PRSS3: variants seen among roughly 807,000 people sequenced by gnomAD.
PRSS3 encodes the protein serine protease 3.
A neutral mutation model predicts 20.8 loss-of-function variants in PRSS3; 14 were observed. That is an observed-to-expected ratio of 0.67 (90% CI 0.44 to 1.05). PRSS3 has a LOEUF of 1.05. PRSS3 is among the 50% of genes least tolerant of loss of function. The pLI, the probability that PRSS3 is intolerant of heterozygous loss-of-function variation, is 0.00. For missense variants in PRSS3, 237 were observed against 306.4 expected (o/e 0.77, Z 1.69); for synonymous variants, 91 against 117.6 (o/e 0.77, Z 1.46).
intron 4 of PRSS3, 189 bp from the exon 5 acceptor site, chr9:33,798,839 A>G (rs929167017): frequency 2.1e-4 from 218 of 1,047,524 alleles, no homozygotes; most frequent in Non-Finnish European, 1.3e-4. Context: ...CAGTGCCCCC[A>G]TTGGGAAATG....
intron 1 of PRSS3, among the ~76,000 whole-genome samples, chr9:33,763,878 G>C (rs1375903593): frequency 1.3e-5 from 2 of 152,072 alleles, no homozygotes; most frequent in African/African-American, 4.8e-5. Context: ...TGTTTTTCCA[G>C]GAAGCTTTCA....
chr9:33,762,691 C>T (rs1302731879), intron 1 of PRSS3, among the ~76,000 whole-genome samples: 1 of 152,186 alleles, frequency 6.6e-6, no homozygotes, highest in Non-Finnish European at 1.5e-5. Flanking sequence ...ACACATGTCT[C>T]ATTCCCATTA....
rs749851213 is a variant in PRSS3 at position 33,798,603 on chromosome 9, G to A, written c.572G>A (p.Gly191Glu). The change falls in exon 4 of 5, where the codon GGA (glycine) becomes GAA (glutamate). Residue 191 changes from glycine (G) to glutamate (E), a missense_variant. Coordinates refer to ENST00000379405, the MANE Select transcript of PRSS3 (RefSeq NM_002771.4). ...NSMFCVGFLE[G>E]GKDSCQRDSG... The stretch of plus-strand genomic sequence containing the variant: ...ATGTTCTGTGTGGGCTTCCTTGAGG[G>A]AGGCAAGGATTCCTGCCAGGTGATT... 1.4e-5 allele frequency: 23 copies of A among 1,614,010 alleles called. No homozygotes were observed. In the Admixed American group the frequency reaches 1.7e-4, roughly 12 times the overall value.
intron 1 of PRSS3, among the ~76,000 whole-genome samples, chr9:33,784,696 A>G (rs1824315064): frequency 6.6e-6 from 1 of 152,256 alleles, no homozygotes; most frequent in Non-Finnish European, 1.5e-5. Flanking sequence ...CTCAGAATCA[A>G]ATAAGATAGG....
upstream of PRSS3, chr9:33,794,892 T>G: frequency 7.2e-7 from 1 of 1,387,148 alleles, no homozygotes; most frequent in Non-Finnish European, 9.5e-7. Context: ...CTACCTAACC[T>G]GTGTCCCCTC....
rs555581752 is a variant in PRSS3, at chr9:33,766,115, A to G, written c.-53+15388A>G. Reference sequence around the variant, plus strand: ...CCCCATCTCTACTATAAATATAAAAATTAACCAGGCATACTGGCGAGCGTT... The same window carrying G: ...CCCCATCTCTACTATAAATATAAAAGTTAACCAGGCATACTGGCGAGCGTT... On this transcript the variant is annotated intron_variant, in intron 1 of 5. Transcript: ENST00000342836. 1.2e-4 allele frequency among the ~76,000 whole-genome samples: 19 copies of G among 152,148 alleles called. No individual in the cohort carries two copies. In the East Asian group the frequency reaches 3.5e-3, roughly 28 times the overall value.
intron 3 of PRSS3, 125 bp downstream of exon 3, chr9:33,798,207 A>C: frequency 1.3e-6 from 2 of 1,542,234 alleles, no homozygotes; most frequent in Non-Finnish European, 1.8e-6. Flanking sequence ...CATTACACAC[A>C]GTCTCTGCAC....
At chr9:33,767,487 G>A (rs1823487500) in intron 1 of PRSS3, among the ~76,000 whole-genome samples, 1 of 152,004 alleles carries the variant, frequency 6.6e-6, no homozygotes, top group African/African-American at 2.4e-5. Context: ...AAGTTAAAAT[G>A]AGGTCATTAG....
At chr9:33,775,128 A>G (rs1012738044) in intron 1 of PRSS3, among the ~76,000 whole-genome samples, 27 of 152,016 alleles carry the variant, frequency 1.8e-4, no homozygotes, top group Non-Finnish European at 8.8e-5. Flanking sequence ...ATCAAAACCA[A>G]CCATTTCAGG....
intron 1 of PRSS3, chr9:33,762,229 TCA>T (rs916166295): frequency 6.6e-6 from 1 of 152,210 alleles, no homozygotes; most frequent in African/African-American, 2.4e-5. Context: ...AGAACAAGCT[TCA>T]GACTCTTTCT....
intron 4 of PRSS3, 125 bp downstream of exon 4, chr9:33,798,747 G>A: frequency 6.8e-7 from 1 of 1,475,734 alleles, no homozygotes; most frequent in African/African-American, 1.4e-5. Context: ...GGAGAAATGA[G>A]GAAGGTGGCG....
At chr9:33,760,676 G>A (rs1823151271) in intron 1 of PRSS3, among the ~76,000 whole-genome samples, 1 of 151,000 alleles carries the variant, frequency 6.6e-6, no homozygotes, top group Non-Finnish European at 1.5e-5. Flanking sequence ...AACCCAGAAG[G>A]TGGAGGTTGC....
At chr9:33,763,085 AC>A (rs1823272708) in intron 1 of PRSS3, among the ~76,000 whole-genome samples, 2 of 152,244 alleles carry the variant, frequency 1.3e-5, no homozygotes, top group African/African-American at 4.8e-5. Context: ...GTCTGACACT[AC>A]ATAGTTCATA....
At chr9:33,782,414 CT>C (rs1387395540) in intron 1 of PRSS3, among the ~76,000 whole-genome samples, 2 of 152,166 alleles carry the variant, frequency 1.3e-5, no homozygotes, top group African/African-American at 2.4e-5. Flanking sequence ...TATGTACCCC[CT>C]GTATCTAAAA....
intron 4 of PRSS3, 191 bp from the exon 5 acceptor site, chr9:33,798,837 C>T: frequency 1.9e-6 from 2 of 1,043,152 alleles, no homozygotes; most frequent in Admixed American, 2.4e-5. Context: ...TGCAGTGCCC[C>T]CATTGGGAAA....
intron 1 of PRSS3, among the ~76,000 whole-genome samples, chr9:33,773,184 A>G (rs73645522): frequency 0.12 from 17,653 of 151,740 alleles, 1,397 homozygotes; most frequent in African/African-American, 0.22. Flanking sequence ...GACTCCTTCT[A>G]TCTTATCTTC....
chr9:33,766,098 C>G (rs1262439765), intron 1 of PRSS3, among the ~76,000 whole-genome samples: 1 of 151,676 alleles, frequency 6.6e-6, no homozygotes, highest in Admixed American at 6.6e-5. Context: ...AACCCCATCT[C>G]TACTATAAAT....
At chr9:33,786,784 C>T (rs908257587) in intron 1 of PRSS3, 23 of 765,300 alleles carry the variant, frequency 3.0e-5, no homozygotes, top group African/African-American at 2.9e-4. Context: ...CTGTGAGCAA[C>T]AGGAGACCTG....
chr9:33,759,693 C>G (rs1823097803), intron 1 of PRSS3, among the ~76,000 whole-genome samples: 4 of 152,158 alleles, frequency 2.6e-5, no homozygotes, highest in Admixed American at 2.6e-4. Flanking sequence ...GTCTATTCAG[C>G]AGGTTGTTGG....
Sources: gnomAD v4.1 joint callset for allele counts (sites outside exome capture counted in the v4.1 genomes callset) on GRCh38, gnomAD v4.1.1 for gene constraint, MANE v1.5 for transcripts, NCBI Gene and HGNC (gene_info 2026-07-23, HGNC 2026-07-21) for gene names.